ELMO1: variants seen among roughly 807,000 people sequenced by gnomAD.
The protein encoded by ELMO1 is engulfment and cell motility protein 1.
In ELMO1, 26 loss-of-function variants were observed where a neutral mutation model predicts 98.9. The ratio of observed to expected loss-of-function variants is 0.26; its 90% CI spans 0.19 to 0.36. The LOEUF (loss-of-function observed/expected upper bound fraction) is 0.36. Ranked by LOEUF, ELMO1 falls within the 10% of genes least tolerant of loss-of-function variation. The pLI is 1.00. For synonymous variants in ELMO1, 346 were observed against 346.0 expected (o/e 1.00, Z 0.00); for missense variants, 627 against 935.2 (o/e 0.67, Z 4.30).
At chr7:36,936,214 C>T (rs1201314244) in intron 16 of ELMO1, among the ~76,000 whole-genome samples, 2 of 152,148 alleles carry the variant, frequency 1.3e-5, no homozygotes, top group Admixed American at 6.5e-5. Context: ...AATTATTTTC[C>T]ATCCTTCTGG....
Position 36,870,271 on chromosome 7 carries a change from A to G in ELMO1, c.1905+122T>C, listed in dbSNP as rs1174395774. 5.3e-6 allele frequency: 4 copies of G among 749,138 alleles called. No individual in the cohort carries two copies. Among genetic ancestry groups the G allele is most frequent in the Non-Finnish European group, 2.2e-6 (1 of 447,886 alleles). The allele number at this position is 749,138 out of a possible 1,614,324, so 46.4% of individuals were successfully genotyped here. On this transcript the variant is annotated intron_variant, in intron 20 of 21. Transcript: ENST00000310758. The surrounding 1 kb of genome is among the most constrained non-coding windows in gnomAD (Gnocchi z 4.4). Reference sequence around the variant, plus strand: ...GGGACAGGAAACAGGAGAGCTGAATAAGAGATGTGTGTCTGAACACACGCA... The same window carrying G: ...GGGACAGGAAACAGGAGAGCTGAATGAGAGATGTGTGTCTGAACACACGCA...
chr7:37,192,970 GATATATATATATATAT>G (rs374892700), intron 13 of ELMO1, among the ~76,000 whole-genome samples: 17 of 40,098 alleles, frequency 4.2e-4, no homozygotes, highest in African/African-American at 9.7e-4. Flanking sequence ...ATATATAGGA[GATATATATATATATAT>G]ATATATATAT....
intron 16 of ELMO1, among the ~76,000 whole-genome samples, chr7:36,957,387 C>T (rs1246802309): frequency 2.6e-5 from 4 of 152,208 alleles, no homozygotes; most frequent in South Asian, 2.1e-4. Context: ...CTTTGAGGTG[C>T]CTGACATTAT....
chr7:37,109,124 G>A (rs1785097944), intron 14 of ELMO1, among the ~76,000 whole-genome samples: 1 of 152,108 alleles, frequency 6.6e-6, no homozygotes, highest in South Asian at 2.1e-4. Flanking sequence ...ACAAGCTGGG[G>A]GGAAAACTCA....
chr7:37,098,737 T>G (rs1488624575), intron 14 of ELMO1, among the ~76,000 whole-genome samples: 1 of 152,192 alleles, frequency 6.6e-6, no homozygotes, highest in Non-Finnish European at 1.5e-5. Flanking sequence ...GAGAATAAGT[T>G]CCATTAATCA....
chr7:37,246,004 C>T lies in ELMO1; in HGVS notation c.414-1613G>A, dbSNP rs996524848. On this transcript the variant is annotated intron_variant, in intron 6 of 21. Transcript: ENST00000310758. ...GAAACACCAGATCTCTGGGGAAAAA[C>T]ACACGAATCTGCTTGATATTATTTT... Among the ~76,000 whole-genome samples the T allele has an allele frequency of 3.9e-5, 6 of 152,236 alleles. No homozygotes were observed. In the East Asian group the frequency reaches 5.8e-4, roughly 15 times the overall value.
At chr7:37,204,139 T>G (rs1563075423) in intron 13 of ELMO1, 1 of 456,508 alleles carries the variant, frequency 2.2e-6, no homozygotes, top group South Asian at 1.5e-5. Flanking sequence ...TCTCACCGCC[T>G]GGCGATGGGC....
intron 16 of ELMO1, among the ~76,000 whole-genome samples, chr7:36,936,477 GA>G (rs1418404088): frequency 7.2e-5 from 11 of 152,112 alleles, no homozygotes; most frequent in Non-Finnish European, 1.3e-4. Flanking sequence ...ATTTTTTAGA[GA>G]TGGGGGTCTC....
chr7:36,974,618 C>A (rs1027329412), intron 16 of ELMO1, among the ~76,000 whole-genome samples: 1 of 150,978 alleles, frequency 6.6e-6, no homozygotes, highest in Non-Finnish European at 1.5e-5. Context: ...ACAGACCACT[C>A]GGCTCTACCA....
At chr7:37,169,910 C>G (rs1279807256) in intron 13 of ELMO1, among the ~76,000 whole-genome samples, 1 of 149,524 alleles carries the variant, frequency 6.7e-6, no homozygotes, top group African/African-American at 2.5e-5. Context: ...ATGCACATTT[C>G]TTTTTTTTTT....
At chr7:37,437,562 T>C (rs1467612726) in intron 1 of ELMO1, among the ~76,000 whole-genome samples, 1 of 152,268 alleles carries the variant, frequency 6.6e-6, no homozygotes, top group East Asian at 1.9e-4. Context: ...GACGTATTGA[T>C]ACATGTATAC....
intron 1 of ELMO1, among the ~76,000 whole-genome samples, chr7:37,442,726 T>C (rs527947502): frequency 1.9e-3 from 283 of 152,272 alleles, no homozygotes; most frequent in African/African-American, 5.5e-3. Context: ...AGTGGCAGCA[T>C]TGACATCCCT....
At chr7:37,243,790 G>GT (rs1214541771) in intron 7 of ELMO1, among the ~76,000 whole-genome samples, 2 of 152,122 alleles carry the variant, frequency 1.3e-5, no homozygotes, top group East Asian at 3.8e-4. Context: ...GACTCACCCT[G>GT]TTTAATGGTT....
At chr7:37,382,742 T>C (rs1408063137) in intron 1 of ELMO1, among the ~76,000 whole-genome samples, 1 of 152,046 alleles carries the variant, frequency 6.6e-6, no homozygotes, top group Non-Finnish European at 1.5e-5. Context: ...ATCACTTCTC[T>C]GCAAATTTAT....
chr7:37,416,796 C>G (rs1189207946), intron 1 of ELMO1, among the ~76,000 whole-genome samples: 1 of 152,134 alleles, frequency 6.6e-6, no homozygotes, highest in Non-Finnish European at 1.5e-5. Context: ...TTTAATCAAG[C>G]AAATACTTGG....
At chr7:37,048,211 C>T (rs1332675496) in intron 15 of ELMO1, among the ~76,000 whole-genome samples, 1 of 152,154 alleles carries the variant, frequency 6.6e-6, no homozygotes, top group Non-Finnish European at 1.5e-5. Flanking sequence ...CCAGTAGCAC[C>T]CCCACAAGTT....
intron 14 of ELMO1, among the ~76,000 whole-genome samples, chr7:37,115,867 G>C (rs147769713): frequency 6.6e-6 from 1 of 152,086 alleles, no homozygotes; most frequent in East Asian, 1.9e-4. Context: ...TAAAATCTTG[G>C]AACTAATAAA....
At chr7:37,037,040 A>G (rs1189694565) in intron 15 of ELMO1, among the ~76,000 whole-genome samples, 1 of 152,218 alleles carries the variant, frequency 6.6e-6, no homozygotes, top group Admixed American at 6.5e-5. Context: ...TGAGAAGGAA[A>G]GAGAAATACC....
At chr7:37,192,957 T>C (rs1791707270) in intron 13 of ELMO1, among the ~76,000 whole-genome samples, 1 of 131,204 alleles carries the variant, frequency 7.6e-6, no homozygotes, top group Non-Finnish European at 1.6e-5. Context: ...ATATATTTTT[T>C]ATATATATAG....
Sources: allele counts gnomAD v4.1 joint callset (sites outside exome capture counted in the v4.1 genomes callset), GRCh38; gene constraint gnomAD v4.1.1; non-coding constraint Gnocchi (gnomAD v3.1); transcripts MANE v1.5; gene names NCBI Gene and HGNC (gene_info 2026-07-23, HGNC 2026-07-21).